The following DENND1B variants were observed in gnomAD, a reference collection of about 807,000 sequenced individuals.
DENND1B encodes DENN domain-containing protein 1B.
A neutral mutation model predicts 90.1 loss-of-function variants in DENND1B; 59 were observed. The observed-to-expected ratio is 0.65, with a 90% CI of 0.53 to 0.81. DENND1B has a LOEUF of 0.81. DENND1B is among the 40% of genes least tolerant of loss of function. The pLI, the probability that DENND1B is intolerant of heterozygous loss-of-function variation, is 0.00. For synonymous variants in DENND1B, 337 were observed against 324.6 expected (o/e 1.04, Z -0.41); for missense variants, 862 against 912.6 (o/e 0.94, Z 0.71).
chr1:197,678,459 A>G (rs1287284053), intron 3 of DENND1B, among the ~76,000 whole-genome samples: 1 of 152,150 alleles, frequency 6.6e-6, no homozygotes. Flanking sequence ...TGAAAAGATG[A>G]TTACTTAATT....
At chr1:197,526,219 T>C (rs1669122714) in intron 20 of DENND1B, among the ~76,000 whole-genome samples, 1 of 152,116 alleles carries the variant, frequency 6.6e-6, no homozygotes, top group African/African-American at 2.4e-5. Context: ...GCAGTAGCCC[T>C]ACAAAGAAAA....
intron 2 of DENND1B, among the ~76,000 whole-genome samples, chr1:197,761,445 A>T (rs1336668077): frequency 6.6e-6 from 1 of 152,204 alleles, no homozygotes. Context: ...ATAGACCTTG[A>T]GGACATATGA....
At chr1:197,538,232 C>T (rs562507038) in intron 20 of DENND1B, among the ~76,000 whole-genome samples, 2 of 151,852 alleles carry the variant, frequency 1.3e-5, no homozygotes, top group African/African-American at 4.8e-5. Flanking sequence ...CCATATTAAG[C>T]CATAAACATT....
At chr1:197,718,929 C>T (rs575110689) in intron 2 of DENND1B, among the ~76,000 whole-genome samples, 2 of 152,164 alleles carry the variant, frequency 1.3e-5, no homozygotes, top group African/African-American at 4.8e-5. Flanking sequence ...TTAGAAAGAA[C>T]AACCAGAAAG....
At chr1:197,729,020 C>T (rs1223378177) in intron 2 of DENND1B, among the ~76,000 whole-genome samples, 1 of 152,130 alleles carries the variant, frequency 6.6e-6, no homozygotes, top group Non-Finnish European at 1.5e-5. Context: ...TTTACTTATA[C>T]TCCAACACAT....
intron 12 of DENND1B, among the ~76,000 whole-genome samples, chr1:197,611,000 C>A (rs1677135987): frequency 6.6e-6 from 1 of 150,684 alleles, no homozygotes; most frequent in East Asian, 2.0e-4. Flanking sequence ...GTGACTCTTT[C>A]CCAATATGAT....
At chr1:197,551,078 A>AACACAC (rs760567251) in intron 16 of DENND1B, among the ~76,000 whole-genome samples, 3 of 87,536 alleles carry the variant, frequency 3.4e-5, no homozygotes, top group Non-Finnish European at 4.7e-5. Flanking sequence ...CCATTTTATA[A>AACACAC]ACACACACAC....
chr1:197,692,319 A>C (rs1168783777), intron 3 of DENND1B, among the ~76,000 whole-genome samples: 1 of 151,834 alleles, frequency 6.6e-6, no homozygotes, highest in Non-Finnish European at 1.5e-5. Flanking sequence ...TATAGATGTG[A>C]TGTGGAAGCC....
At chr1:197,622,662 T>A (rs1270451838) in intron 10 of DENND1B, among the ~76,000 whole-genome samples, 3 of 151,442 alleles carry the variant, frequency 2.0e-5, no homozygotes, top group Non-Finnish European at 4.4e-5. Context: ...AGGTAACTAA[T>A]AAAACAGACT....
Position 197,574,770 on chromosome 1 carries a change from C to T in DENND1B, c.1149+8382G>A, listed in dbSNP as rs151116879. Among the ~76,000 whole-genome samples the T allele has an allele frequency of 2.0e-3, 303 of 152,120 alleles. 1 individual carries two copies. Among genetic ancestry groups the T allele is most frequent in the African/African-American group, 6.9e-3 (287 of 41,482 alleles). On this transcript the variant is annotated intron_variant, in intron 15 of 22. Transcript: ENST00000620048. The stretch of plus-strand genomic sequence containing the variant: ...TATAGGCCAATGGAACAGAACAGAG[C>T]CCTCAGAAATAACACCACACAACTA...
rs1667780991 is a variant in DENND1B at position 197,507,419 on chromosome 1, C to T, written c.*3041G>A. On this transcript the variant is annotated 3_prime_UTR_variant, in exon 23 of 23. Transcript: ENST00000620048. ...AAGACACATTAAAGTAGGTAATCATCAAAAGATACCACTTAGTAATATTTT... is the reference window on the plus strand; with the variant it reads ...AAGACACATTAAAGTAGGTAATCATTAAAAGATACCACTTAGTAATATTTT... 1 of 151,138 alleles carries T rather than the reference C, an allele frequency of 6.6e-6. No individual in the cohort carries two copies. Among genetic ancestry groups the T allele is most frequent in the African/African-American group, 2.4e-5 (1 of 41,234 alleles). The allele number at this position is 151,138 out of a possible 1,614,324, so 9.4% of individuals were successfully genotyped here.
At chr1:197,569,589 C>T (rs992717164) in intron 15 of DENND1B, among the ~76,000 whole-genome samples, 14 of 151,422 alleles carry the variant, frequency 9.2e-5, no homozygotes, top group Non-Finnish European at 8.9e-5. Context: ...CACACACACA[C>T]ACACACAATG....
intron 2 of DENND1B, among the ~76,000 whole-genome samples, chr1:197,750,171 A>G (rs1386717525): frequency 6.6e-6 from 1 of 152,228 alleles, no homozygotes. Flanking sequence ...TATAGAAAAA[A>G]TAGTGTATGA....
chr1:197,665,498 C>T (rs1287590427), intron 5 of DENND1B, among the ~76,000 whole-genome samples: 1 of 152,126 alleles, frequency 6.6e-6, no homozygotes, highest in Non-Finnish European at 1.5e-5. Context: ...GGTAAACAAA[C>T]ACTAAATGAT....
chr1:197,613,016 T>C (rs1370440705), intron 11 of DENND1B, among the ~76,000 whole-genome samples: 3 of 150,836 alleles, frequency 2.0e-5, no homozygotes, highest in Non-Finnish European at 4.5e-5. Context: ...AAATAAAACA[T>C]TTTTGGCAAT....
At chr1:197,642,580 C>T (rs1680357350) in intron 10 of DENND1B, 131 bp downstream of exon 10, 2 of 548,282 alleles carry the variant, frequency 3.6e-6, no homozygotes, top group Middle Eastern at 2.9e-4. Flanking sequence ...CAGATTAAAA[C>T]CATACATCAA....
At chr1:197,752,661 A>G (rs566000869) in intron 2 of DENND1B, among the ~76,000 whole-genome samples, 2 of 151,854 alleles carry the variant, frequency 1.3e-5, no homozygotes, top group Non-Finnish European at 2.9e-5. Flanking sequence ...TTATTATTAT[A>G]CTTTAAGTTC....
chr1:197,720,086 A>C (rs1438333202), intron 2 of DENND1B, among the ~76,000 whole-genome samples: 1 of 152,170 alleles, frequency 6.6e-6, no homozygotes, highest in Non-Finnish European at 1.5e-5. Flanking sequence ...GGTTGTTCTT[A>C]AAAGAGTCTC....
At chr1:197,719,698 CG>C (rs1205833648) in intron 2 of DENND1B, among the ~76,000 whole-genome samples, 1 of 151,958 alleles carries the variant, frequency 6.6e-6, no homozygotes, top group African/African-American at 2.4e-5. Flanking sequence ...TGGATTCTGT[CG>C]GGGTGAGGTT....
Sources: allele counts gnomAD v4.1 joint callset (sites outside exome capture counted in the v4.1 genomes callset), GRCh38; gene constraint gnomAD v4.1.1; transcripts MANE v1.5; gene names NCBI Gene and HGNC (gene_info 2026-07-23, HGNC 2026-07-21).